ME1: variants seen among roughly 807,000 people sequenced by gnomAD.
ME1 encodes NADP-dependent malic enzyme.
In ME1, 74 loss-of-function variants were observed where a neutral mutation model predicts 66.4. The observed-to-expected ratio is 1.11, with a 90% confidence interval of 0.92 to 1.35. The LOEUF (loss-of-function observed/expected upper bound fraction) is 1.35. ME1 is among the 40% of genes most tolerant of loss of function. ME1 has a pLI of 0.00. For missense variants in ME1, 750 were observed against 694.1 expected (o/e 1.08, Z -0.90); for synonymous variants, 251 against 235.6 (o/e 1.07, Z -0.60).
chr6:83,229,250 A>C (rs1251698606), intron 9 of ME1: 3 of 432,894 alleles, frequency 6.9e-6, no homozygotes, highest in Non-Finnish European at 1.3e-5. Context: ...TATAATTTAA[A>C]TAATTATATT....
At chr6:83,317,644 A>G (rs1032615742) in intron 5 of ME1, among the ~76,000 whole-genome samples, 2 of 152,052 alleles carry the variant, frequency 1.3e-5, no homozygotes, top group Admixed American at 6.6e-5. Flanking sequence ...TTCCTAATTG[A>G]ATACCCTTTA....
At chr6:83,228,726 G>T (rs992891950) in intron 10 of ME1, 100 bp downstream of exon 10, 9 of 787,176 alleles carry the variant, frequency 1.1e-5, no homozygotes, top group African/African-American at 3.5e-5. Context: ...GTAGTTTTTT[G>T]AATTCAAAAA....
chr6:83,394,200 T>C (rs906347174), intron 3 of ME1, among the ~76,000 whole-genome samples: 1 of 152,066 alleles, frequency 6.6e-6, no homozygotes, highest in Non-Finnish European at 1.5e-5. Context: ...AATGTAACTA[T>C]TACATAAATG....
At chr6:83,323,437 C>T (rs913705658) in intron 5 of ME1, among the ~76,000 whole-genome samples, 19 of 150,464 alleles carry the variant, frequency 1.3e-4, no homozygotes, top group African/African-American at 4.7e-4. Context: ...CACATAGGCT[C>T]AAAATAAAGG....
intron 6 of ME1, among the ~76,000 whole-genome samples, chr6:83,279,267 G>T (rs1145916): frequency 0.49 from 74,378 of 151,962 alleles, 19,992 homozygotes; most frequent in African/African-American, 0.72. Context: ...ACCCCATATA[G>T]CAGGTCTAAT....
chr6:83,404,837 G>C (rs180711877), intron 2 of ME1, among the ~76,000 whole-genome samples: 1 of 152,268 alleles, frequency 6.6e-6, no homozygotes, highest in African/African-American at 2.4e-5. Flanking sequence ...TGTTATTTCT[G>C]AGGCCTCTGT....
intron 4 of ME1, 55 bp from the exon 5 acceptor site, chr6:83,346,389 A>G (rs763683350): frequency 4.0e-6 from 5 of 1,263,944 alleles, no homozygotes; most frequent in Admixed American, 2.4e-5. Flanking sequence ...CCTGAGACAC[A>G]ATTTCTGACT....
intron 6 of ME1, among the ~76,000 whole-genome samples, chr6:83,309,928 T>C (rs1767900023): frequency 6.6e-6 from 1 of 152,116 alleles, no homozygotes; most frequent in Non-Finnish European, 1.5e-5. Flanking sequence ...TTCAAATTTT[T>C]CCTTTACCTA....
At chr6:83,405,337 GA>G (rs758225859) in intron 2 of ME1, among the ~76,000 whole-genome samples, 1 of 152,148 alleles carries the variant, frequency 6.6e-6, no homozygotes, top group Non-Finnish European at 1.5e-5. Context: ...GAATACTTGT[GA>G]CTTTTGCACA....
chr6:83,400,289 G>A (rs930122622), intron 2 of ME1, among the ~76,000 whole-genome samples: 5 of 152,090 alleles, frequency 3.3e-5, no homozygotes, highest in Non-Finnish European at 5.9e-5. Context: ...GAGTTGATGT[G>A]AGATTTGGTT....
chr6:83,398,525 A>G lies in ME1; in HGVS notation c.213-9T>C. Reference sequence around the variant, plus strand: ...CCATTAAGAGAAGATACCTGTAAAAATTGGACATAATTAGATCTACATCCC... The same window carrying G: ...CCATTAAGAGAAGATACCTGTAAAAGTTGGACATAATTAGATCTACATCCC... On this transcript the variant is annotated splice_polypyrimidine_tract_variant and intron_variant, in intron 2 of 13. Coordinates refer to ENST00000369705, the MANE Select transcript of ME1 (RefSeq NM_002395.6). 1.4e-6 allele frequency: 2 copies of G among 1,464,110 alleles called. No individual in the cohort carries two copies. Among genetic ancestry groups the G allele is most frequent in the Middle Eastern group, 1.8e-4 (1 of 5,622 alleles). 90.7% of individuals were successfully genotyped at this position (1,464,110 alleles called of 1,614,324 possible).
At chr6:83,355,628 G>A (rs1403610635) in intron 3 of ME1, among the ~76,000 whole-genome samples, 1 of 152,026 alleles carries the variant, frequency 6.6e-6, no homozygotes, top group Non-Finnish European at 1.5e-5. Context: ...CAAGCATTTC[G>A]GGAGGGCTAT....
intron 1 of ME1, among the ~76,000 whole-genome samples, chr6:83,412,735 G>T (rs1445535050): frequency 6.6e-6 from 1 of 152,070 alleles, no homozygotes; most frequent in African/African-American, 2.4e-5. Flanking sequence ...GACTCAAAAG[G>T]CTACATACTG....
intron 3 of ME1, among the ~76,000 whole-genome samples, chr6:83,359,555 T>C (rs1199975590): frequency 2.6e-5 from 4 of 152,240 alleles, no homozygotes; most frequent in African/African-American, 9.6e-5. Context: ...TCTAATAGTT[T>C]ATTTACTTGG....
rs1222330892 is a variant in ME1 at position 83,216,531 on chromosome 6, G to C, written c.1515C>G (p.Thr505=). The change falls in exon 13 of 14, where the codon ACC becomes ACG. Residue 505 remains threonine (T), a synonymous_variant. Coordinates refer to ENST00000369705, the MANE Select transcript of ME1 (RefSeq NM_002395.6). ...EEGRLYPPLN[T]IRDVSLKIAE... The stretch of plus-strand genomic sequence containing the variant: ...CAATTTTCAGAGAAACATCTCTAAT[G>C]GTATTCAAAGGAGGATAAAGCCGAC... 6 of 1,611,062 alleles carry C rather than the reference G, an allele frequency of 3.7e-6. No homozygotes were observed. The highest frequency in any genetic ancestry group is 5.1e-6 in the Non-Finnish European group (6 of 1,178,930).
chr6:83,239,771 A>G, intron 7 of ME1, 135 bp from the exon 8 acceptor site: 1 of 608,504 alleles, frequency 1.6e-6, no homozygotes, highest in South Asian at 2.2e-5. Flanking sequence ...GTCTTATCCC[A>G]TGCTTGCATA....
In ME1 at chr6:83,262,013, CAAAAAA is replaced by C. The variant is rs374491049; in HGVS notation, c.705-8281_705-8276del. ...TGGGCAACAGAGCGAGAATCCATCT[CAAAAAA>C]AAAAAAAAAAAGAAAAAAGAAAAAG... is the stretch of plus-strand genomic sequence containing the variant. On this transcript the variant is annotated intron_variant, in intron 6 of 13. Transcript: ENST00000369705. Among the ~76,000 whole-genome samples, 428 of 77,246 alleles carry C rather than the reference CAAAAAA, an allele frequency of 5.5e-3. 1 individual carries two copies. Among genetic ancestry groups the C allele is most frequent in the African/African-American group, 0.021 (383 of 18,298 alleles). The allele number at this position is 77,246 out of a possible 152,430, so 50.7% of individuals were successfully genotyped here.
intron 7 of ME1, among the ~76,000 whole-genome samples, chr6:83,245,614 G>A (rs1415432597): frequency 6.6e-6 from 1 of 152,088 alleles, no homozygotes; most frequent in Non-Finnish European, 1.5e-5. Context: ...CTCCATGTTG[G>A]TCAGGCTGGT....
chr6:83,308,118 A>G (rs952475838), intron 6 of ME1, among the ~76,000 whole-genome samples: 4 of 152,144 alleles, frequency 2.6e-5, no homozygotes, highest in Non-Finnish European at 5.9e-5. Context: ...TCAGACTAAG[A>G]TTATTTCTCT....
Sources: allele counts gnomAD v4.1 joint callset (sites outside exome capture counted in the v4.1 genomes callset), GRCh38; gene constraint gnomAD v4.1.1; transcripts MANE v1.5; gene names NCBI Gene and HGNC (gene_info 2026-07-23, HGNC 2026-07-21).